The following SCAPER variants were observed in gnomAD, a reference collection of about 807,000 sequenced individuals.
SCAPER encodes S phase cyclin A-associated protein in the endoplasmic reticulum.
SCAPER carries 98 observed loss-of-function variants against 182.2 expected under a neutral mutation model. That is an observed-to-expected ratio of 0.54 (90% confidence interval 0.46 to 0.64). The LOEUF (loss-of-function observed/expected upper bound fraction) is 0.64. Among genes scored for constraint, SCAPER ranks in the 30% least tolerant of loss-of-function variants. The pLI, the probability that SCAPER is intolerant of heterozygous loss-of-function variation, is 0.00. For synonymous variants in SCAPER, 605 were observed against 564.6 expected (o/e 1.07, Z -1.01); for missense variants, 1,432 against 1,690.0 (o/e 0.85, Z 2.68).
At chr15:76,847,239 C>T (rs2070192719) in intron 4 of SCAPER, among the ~76,000 whole-genome samples, 4 of 151,576 alleles carry the variant, frequency 2.6e-5, no homozygotes, top group African/African-American at 9.7e-5. Flanking sequence ...TTAATGGGTA[C>T]AAAAAAATGG....
chr15:76,593,139 G>A (rs1429077340), intron 22 of SCAPER, among the ~76,000 whole-genome samples: 3 of 121,506 alleles, frequency 2.5e-5, no homozygotes, highest in Admixed American at 1.9e-4. Flanking sequence ...GGTGTGGGGA[G>A]GGGTGCCTGC....
intron 7 of SCAPER, among the ~76,000 whole-genome samples, chr15:76,798,152 G>A (rs1004609661): frequency 3.3e-5 from 5 of 152,012 alleles, no homozygotes; most frequent in Non-Finnish European, 7.4e-5. Context: ...TTGAGGTCAG[G>A]AATTTGAGAC....
intron 17 of SCAPER, among the ~76,000 whole-genome samples, chr15:76,707,221 AACAAAAAAG>A (rs1419842107): frequency 6.6e-6 from 1 of 152,140 alleles, no homozygotes. Context: ...GGTAAAGGAG[AACAAAAAAG>A]ACTTGAGACA....
chr15:76,359,929 T>C (rs1030212251), intron 29 of SCAPER, among the ~76,000 whole-genome samples: 24 of 152,182 alleles, frequency 1.6e-4, no homozygotes, highest in African/African-American at 5.8e-4. Flanking sequence ...TGGGGTAGAA[T>C]CATACCACAT....
intron 26 of SCAPER, among the ~76,000 whole-genome samples, chr15:76,413,308 T>C (rs980860984): frequency 1.3e-5 from 2 of 152,184 alleles, no homozygotes; most frequent in African/African-American, 4.8e-5. Flanking sequence ...GTATTCCTAA[T>C]CTTAAAGGAA....
At chr15:76,644,015 T>A (rs764429430) in intron 21 of SCAPER, among the ~76,000 whole-genome samples, 16 of 152,306 alleles carry the variant, frequency 1.1e-4, no homozygotes, top group Admixed American at 2.0e-4. Context: ...TTGATTCATA[T>A]TAAGACAGTA....
At chr15:76,885,770 C>A (rs1324542501) in intron 1 of SCAPER, among the ~76,000 whole-genome samples, 1 of 152,204 alleles carries the variant, frequency 6.6e-6, no homozygotes, top group Non-Finnish European at 1.5e-5. Flanking sequence ...AAGGCATGTG[C>A]CACCATGCAC....
chr15:76,632,682 C>T (rs955044481), intron 21 of SCAPER, among the ~76,000 whole-genome samples: 8 of 151,776 alleles, frequency 5.3e-5, no homozygotes, highest in African/African-American at 1.9e-4. Context: ...AGAAGAGGCA[C>T]TCTGGCTTTC....
At chr15:76,782,213 CA>C (rs1046709089) in intron 8 of SCAPER, among the ~76,000 whole-genome samples, 8 of 145,318 alleles carry the variant, frequency 5.5e-5, no homozygotes, top group African/African-American at 2.0e-4. Flanking sequence ...AAATGGAAAG[CA>C]AAAAAAAACA....
rs1330047259 is a variant in SCAPER at position 76,579,410 on chromosome 15, CTTGT to C, written c.2712-5130_2712-5127del. Among the ~76,000 whole-genome samples, 5 of 150,950 alleles carry C rather than the reference CTTGT, an allele frequency of 3.3e-5. No homozygotes were observed. The South Asian group carries it at 6.3e-4, about 19-fold the overall frequency. ...AAAGTTTTTATTAGTTTTTTCTTTGCTTGTTTGTTATTTAGTTTTTTTATGCAAG... is the reference window on the plus strand; with the variant it reads ...AAAGTTTTTATTAGTTTTTTCTTTGCTTGTTATTTAGTTTTTTTATGCAAG... On this transcript the variant is annotated intron_variant, in intron 22 of 31. Transcript: ENST00000563290.
intron 31 of SCAPER, chr15:76,349,333 A>G (rs892358343): frequency 6.6e-6 from 1 of 152,256 alleles, no homozygotes; most frequent in African/African-American, 2.4e-5. Context: ...TTAATTTAAA[A>G]CATGAATGTA....
intron 23 of SCAPER, among the ~76,000 whole-genome samples, chr15:76,564,133 C>T (rs749728889): frequency 3.9e-5 from 6 of 152,126 alleles, no homozygotes; most frequent in Non-Finnish European, 5.9e-5. Context: ...TCTCACCACA[C>T]CTATTCAACA....
At chr15:76,360,059 C>T (rs908659963) in intron 29 of SCAPER, among the ~76,000 whole-genome samples, 8 of 152,114 alleles carry the variant, frequency 5.3e-5, no homozygotes, top group Admixed American at 4.6e-4. Flanking sequence ...TGTCTCTTAC[C>T]CTAGAAGGAA....
chr15:76,704,369 T>C (rs917934713), intron 18 of SCAPER, among the ~76,000 whole-genome samples: 2 of 152,218 alleles, frequency 1.3e-5, no homozygotes, highest in South Asian at 2.1e-4. Context: ...GCCATTGCTT[T>C]TGGTGTTTTA....
Position 76,899,462 on chromosome 15 carries a change from T to C in SCAPER, c.-60+5837A>G, listed in dbSNP as rs576756663. Among the ~76,000 whole-genome samples the C allele has an allele frequency of 2.1e-3, 317 of 152,330 alleles. 3 individuals carry two copies. The highest frequency in any genetic ancestry group is 0.013 in the South Asian group (63 of 4,830). ...TGCAGACGGAGTCTCGCTCACTCAA[T>C]GCTCAATGTTGCCCAGGCTGGAGTG... On this transcript the variant is annotated intron_variant, in intron 1 of 31. Coordinates refer to ENST00000563290, the MANE Select transcript of SCAPER (RefSeq NM_020843.4).
chr15:76,430,573 G>A (rs1656895464), intron 26 of SCAPER, among the ~76,000 whole-genome samples: 1 of 152,200 alleles, frequency 6.6e-6, no homozygotes, highest in Non-Finnish European at 1.5e-5. Context: ...TGTTGGATTT[G>A]GACTGGCATG....
rs566900158 is a variant in SCAPER, at chr15:76,635,273, T to C, written c.2646-13444A>G. The stretch of plus-strand genomic sequence containing the variant: ...TCATCATGGGGTGCACTCAAATACA[T>C]ATCTACATTCACTCATACTGGTATA... On this transcript the variant is annotated intron_variant, in intron 21 of 31. Coordinates refer to ENST00000563290, the MANE Select transcript of SCAPER (RefSeq NM_020843.4). Among the ~76,000 whole-genome samples the C allele has an allele frequency of 2.6e-5, 4 of 152,242 alleles. No individual in the cohort carries two copies. The East Asian group carries it at 7.7e-4, about 29-fold the overall frequency.
At chr15:76,848,746 A>T (rs901247802) in intron 4 of SCAPER, among the ~76,000 whole-genome samples, 2 of 152,186 alleles carry the variant, frequency 1.3e-5, no homozygotes, top group African/African-American at 4.8e-5. Context: ...GTAATTTTTA[A>T]AATATAAAAT....
In SCAPER at chr15:76,842,466, C is replaced by T. The variant is rs116873941; in HGVS notation, c.196-535G>A. On this transcript the variant is annotated intron_variant, in intron 4 of 31. Coordinates refer to ENST00000563290, the MANE Select transcript of SCAPER (RefSeq NM_020843.4). ...CTTCGCTGGGCAGTTCTTCCTGCCACCTTGTGAAGAAGGTGCCTTGGTTCC... is the reference window on the plus strand; with the variant it reads ...CTTCGCTGGGCAGTTCTTCCTGCCATCTTGTGAAGAAGGTGCCTTGGTTCC... 9.0e-3 allele frequency among the ~76,000 whole-genome samples: 1,368 copies of T among 152,298 alleles called. 9 individuals carry two copies. The highest frequency in any genetic ancestry group is 0.015 in the Non-Finnish European group (1,054 of 68,020).
Sources: allele counts gnomAD v4.1 joint callset (sites outside exome capture counted in the v4.1 genomes callset), GRCh38; gene constraint gnomAD v4.1.1; transcripts MANE v1.5; gene names NCBI Gene and HGNC (gene_info 2026-07-23, HGNC 2026-07-21).